FAM227B: variants seen among roughly 807,000 people sequenced by gnomAD.
FAM227B encodes the protein family with sequence similarity 227 member B, also known as protein FAM227B.
In FAM227B, 88 loss-of-function variants were observed where a neutral mutation model predicts 73.8. The observed-to-expected ratio is 1.19, with a 90% CI of 1.00 to 1.42. The LOEUF is 1.42. Ranked by LOEUF, FAM227B falls within the 40% of genes most tolerant of loss-of-function variation. The pLI is 0.00. For synonymous variants in FAM227B, 210 were observed against 190.5 expected, an observed-to-expected ratio of 1.10 and a Z score of -0.84; for missense variants, 632 against 590.9, an observed-to-expected ratio of 1.07 and a Z score of -0.72.
intron 11 of FAM227B, chr15:49,425,367 G>A (rs978768191): frequency 1.3e-5 from 2 of 151,848 alleles, no homozygotes; most frequent in Non-Finnish European, 2.9e-5. Flanking sequence ...AAATATCAGG[G>A]TTGTGTTTTG....
chr15:49,466,221 T>C (rs1220005394), intron 11 of FAM227B, among the ~76,000 whole-genome samples: 5 of 152,228 alleles, frequency 3.3e-5, no homozygotes, highest in Non-Finnish European at 7.3e-5. Context: ...GATCAGACTT[T>C]CTGAGGAACG....
At chr15:49,481,730 T>C (rs915264076) in intron 11 of FAM227B, among the ~76,000 whole-genome samples, 2 of 152,348 alleles carry the variant, frequency 1.3e-5, no homozygotes, top group Admixed American at 6.5e-5. Flanking sequence ...TGCATTGTGA[T>C]AATGCTTAAT....
chr15:49,491,030 C>T (rs975165160), intron 11 of FAM227B, among the ~76,000 whole-genome samples: 2 of 151,908 alleles, frequency 1.3e-5, no homozygotes, highest in African/African-American at 2.4e-5. Context: ...TTCTAATCAG[C>T]AGTGCCGGAA....
chr15:49,364,798 C>T (rs2044840678), intron 13 of FAM227B, among the ~76,000 whole-genome samples: 1 of 151,670 alleles, frequency 6.6e-6, no homozygotes, highest in African/African-American at 2.4e-5. Context: ...CTTTTATCTA[C>T]CATTAGAGTT....
chr15:49,579,881 T>C (rs114906115), intron 5 of FAM227B, among the ~76,000 whole-genome samples: 2,519 of 152,270 alleles, frequency 0.017, 34 homozygotes, highest in Middle Eastern at 0.038. Flanking sequence ...AATCAAAATA[T>C]CACATGTACC....
intron 11 of FAM227B, among the ~76,000 whole-genome samples, chr15:49,476,211 TGTTTTGTTTTTTTGTTTTTG>T (rs1165218901): frequency 7.3e-6 from 1 of 137,374 alleles, no homozygotes; most frequent in Non-Finnish European, 1.6e-5. Flanking sequence ...TTTATTTTGC[TGTTTTGTTTTTTTGTTTTTG>T]GTTTTTTTTT....
chr15:49,369,166 C>G (rs894781688), intron 12 of FAM227B, among the ~76,000 whole-genome samples: 2 of 151,952 alleles, frequency 1.3e-5, no homozygotes, highest in Non-Finnish European at 2.9e-5. Flanking sequence ...ACCGTGTTAG[C>G]CAGGATGGTT....
intron 10 of FAM227B, among the ~76,000 whole-genome samples, chr15:49,512,689 C>G (rs986024663): frequency 1.3e-5 from 2 of 151,882 alleles, no homozygotes; most frequent in African/African-American, 4.8e-5. Context: ...GAACCTGTCA[C>G]CTAGGTTTTA....
chr15:49,383,037 C>T (rs891170154), intron 11 of FAM227B, among the ~76,000 whole-genome samples: 10 of 151,990 alleles, frequency 6.6e-5, no homozygotes, highest in Admixed American at 5.2e-4. Flanking sequence ...TTTGTGCTGT[C>T]GTGCATAAAC....
intron 11 of FAM227B, among the ~76,000 whole-genome samples, chr15:49,397,694 C>T (rs985927930): frequency 1.3e-4 from 20 of 152,106 alleles, no homozygotes; most frequent in African/African-American, 4.8e-4. Context: ...GGCCAATATT[C>T]AAAATTTTAA....
At chr15:49,536,579 G>T (rs2070299142) in intron 10 of FAM227B, among the ~76,000 whole-genome samples, 1 of 151,700 alleles carries the variant, frequency 6.6e-6, no homozygotes, top group Non-Finnish European at 1.5e-5. Context: ...AATTTGTATA[G>T]AACCACAAAA....
chr15:49,568,410 T>C, intron 8 of FAM227B, 64 bp from the exon 9 acceptor site: 8 of 1,275,040 alleles, frequency 6.3e-6, no homozygotes, highest in Non-Finnish European at 8.9e-6. Flanking sequence ...GTTTACATGA[T>C]GACAGCAATT....
chr15:49,525,912 T>C (rs926142996), intron 10 of FAM227B, among the ~76,000 whole-genome samples: 2 of 151,092 alleles, frequency 1.3e-5, no homozygotes, highest in African/African-American at 4.9e-5. Flanking sequence ...AAACAAAGAA[T>C]AATAAACCTT....
intron 11 of FAM227B, among the ~76,000 whole-genome samples, chr15:49,503,939 G>T (rs2058365514): frequency 6.6e-6 from 1 of 152,068 alleles, no homozygotes; most frequent in Non-Finnish European, 1.5e-5. Flanking sequence ...TATACCCAAA[G>T]GATTATAAAT....
chr15:49,401,519 A>G (rs2048147348), intron 11 of FAM227B, among the ~76,000 whole-genome samples: 1 of 151,608 alleles, frequency 6.6e-6, no homozygotes, highest in African/African-American at 2.4e-5. Context: ...CCAAAGGACT[A>G]TAAATCATGC....
At chr15:49,443,083 A>T (rs1180893402) in intron 11 of FAM227B, among the ~76,000 whole-genome samples, 1 of 151,760 alleles carries the variant, frequency 6.6e-6, no homozygotes, top group Admixed American at 6.6e-5. Context: ...ATTAGTTATA[A>T]GTAGGGTGAC....
At chr15:49,329,919 T>C (rs1596187861) in intron 15 of FAM227B, 1 of 196,534 alleles carries the variant, frequency 5.1e-6, no homozygotes, top group Non-Finnish European at 9.2e-6. Context: ...TGCACTCTTC[T>C]TTGGGGGACA....
intron 11 of FAM227B, chr15:49,486,146 T>C (rs1463470988): frequency 2.0e-5 from 3 of 152,096 alleles, no homozygotes; most frequent in Non-Finnish European, 4.4e-5. Flanking sequence ...AATTTCAAAA[T>C]ATTTGTCATT....
chr15:49,469,244 T>G (rs2054526255), intron 11 of FAM227B, among the ~76,000 whole-genome samples: 1 of 152,182 alleles, frequency 6.6e-6, no homozygotes, highest in African/African-American at 2.4e-5. Context: ...CAAACATATT[T>G]TCTTTTAGAG....
Sources: gnomAD v4.1 joint callset for allele counts (sites outside exome capture counted in the v4.1 genomes callset) on GRCh38, gnomAD v4.1.1 for gene constraint, MANE v1.5 for transcripts, NCBI Gene and HGNC (gene_info 2026-07-23, HGNC 2026-07-21) for gene names.